The following SEMA6C variants were observed in gnomAD, a reference collection of about 807,000 sequenced individuals.
The protein encoded by SEMA6C is semaphorin-6C.
A neutral mutation model predicts 72.9 loss-of-function variants in SEMA6C; 37 were observed. The ratio of observed to expected loss-of-function variants is 0.51; its 90% CI spans 0.39 to 0.67. The LOEUF (loss-of-function observed/expected upper bound fraction) is 0.67, where lower values mean the gene tolerates loss of function less well. Ranked by LOEUF, SEMA6C falls within the 30% of genes least tolerant of loss-of-function variation. SEMA6C has a pLI of 0.00. For synonymous variants in SEMA6C, 578 were observed against 554.1 expected (o/e 1.04, Z -0.61); for missense variants, 1,189 against 1,263.6 (o/e 0.94, Z 0.89).
chr1:151,137,828 T>C (rs1682182536), intron 9 of SEMA6C, 29 bp from the exon 10 acceptor site: 4 of 1,601,870 alleles, frequency 2.5e-6, no homozygotes, highest in Non-Finnish European at 3.4e-6. Context: ...GGAAAGGGTA[T>C]AGAAGAGTAT....
chr1:151,132,599 CG>C lies in SEMA6C; in HGVS notation c.2677del (p.Arg893GlyfsTer5), dbSNP rs1681631757. The stretch of plus-strand genomic sequence containing the variant: ...GTCCACCCTTTTCAGGGCGCGGCCC[CG>C]GTAGCCCTCGGGCCGGCCCAGGTAC... ...LLYLGRPEGYRGRALKRVDVE... is the reference protein window; with the variant it reads ...LLYLGRPEGYXGRALKRVDVE... On this transcript the variant is annotated frameshift_variant, in exon 19 of 19. Coordinates refer to ENST00000368914, the MANE Select transcript of SEMA6C (RefSeq NM_030913.6). LOFTEE classifies it low-confidence loss of function (END_TRUNC). 1 of 1,551,230 alleles carries C rather than the reference CG, an allele frequency of 6.4e-7. No homozygotes were observed. The highest frequency in any genetic ancestry group is 1.4e-5 in the African/African-American group (1 of 73,120).
rs138912571 is a variant in SEMA6C at position 151,134,727 on chromosome 1, C to T, written c.1659-52G>A. On this transcript the variant is annotated intron_variant, in intron 16 of 18. Transcript: ENST00000368914. Reference sequence around the variant, plus strand: ...AATTCTGTACGTTGTCCGTATCTCCCACTCTGGCCCTCAGCTTGTCTTATT... The same window carrying T: ...AATTCTGTACGTTGTCCGTATCTCCTACTCTGGCCCTCAGCTTGTCTTATT... The T allele has an allele frequency of 4.7e-3, 7,649 of 1,612,454 alleles. 32 individuals carry two copies. The highest frequency in any genetic ancestry group is 0.011 in the Middle Eastern group (64 of 6,060).
chr1:151,138,481 CCCGTTG>C (rs1682249175), intron 7 of SEMA6C, 75 bp from the exon 8 acceptor site: 2 of 1,472,386 alleles, frequency 1.4e-6, no homozygotes. Context: ...TCCCTCCTGT[CCCGTTG>C]CCTCCTCCCC....
At position 151,132,435 on chromosome 1, in the gene SEMA6C, C is replaced by T; in HGVS notation, c.*49G>A. Reference sequence around the variant, plus strand: ...GTCCTGAAGAGCGTCCAGCTCGTGGCCGAGAGGACTCGGGCGCTCCCCACG... The same window carrying T: ...GTCCTGAAGAGCGTCCAGCTCGTGGTCGAGAGGACTCGGGCGCTCCCCACG... On this transcript the variant is annotated 3_prime_UTR_variant, in exon 19 of 19. Coordinates refer to ENST00000368914, the MANE Select transcript of SEMA6C (RefSeq NM_030913.6). 4.6e-6 allele frequency: 7 copies of T among 1,528,878 alleles called. No individual in the cohort carries two copies. Among genetic ancestry groups the T allele is most frequent in the Non-Finnish European group, 8.8e-7 (1 of 1,135,258 alleles). 94.7% of individuals were successfully genotyped at this position (1,528,878 alleles called of 1,614,324 possible).
At position 151,135,278 on chromosome 1, in the gene SEMA6C, G is replaced by A. The variant is rs199674348; in HGVS notation, c.1465C>T (p.Arg489Ter). 1.2e-6 allele frequency: 2 copies of A among 1,614,178 alleles called. No individual in the cohort carries two copies. Among genetic ancestry groups the A allele is most frequent in the Non-Finnish European group, 1.7e-6 (2 of 1,180,012 alleles). The change falls in exon 15 of 19, where the codon CGA becomes TGA. Residue 489 changes from arginine (R) to a stop codon, truncating the protein, a stop_gained. Transcript: ENST00000368914. LOFTEE classifies it high-confidence loss of function. ...TCCAGCTCCAGCCCTATGATCCGTC[G>A]TGCTGTTTGGGCTGTCCGCTTCCCA... The part of the protein sequence containing the change: ...CSGKRTAQTA[R>*]RIIGLELDTE...
chr1:151,134,554 T>C, intron 17 of SEMA6C, 66 bp downstream of exon 17: 1 of 1,606,984 alleles, frequency 6.2e-7, no homozygotes, highest in Non-Finnish European at 8.5e-7. Context: ...AAGCCTGGGA[T>C]GGTGTCTGTG....
intron 2 of SEMA6C, 51 bp from the exon 3 acceptor site, chr1:151,142,726 CT>C: frequency 1.1e-6 from 1 of 926,266 alleles, no homozygotes; most frequent in South Asian, 1.8e-5. Flanking sequence ...TCCCTCTCCC[CT>C]GAAGCAAGCC....
At chr1:151,135,396 C>G in intron 14 of SEMA6C, 87 bp from the exon 15 acceptor site, 3 of 1,536,952 alleles carry the variant, frequency 2.0e-6, no homozygotes, top group South Asian at 2.5e-5. Context: ...CGGGGAGGCA[C>G]ACAAGCAACT....
chr1:151,133,283 G>A lies in SEMA6C; in HGVS notation c.1994C>T (p.Pro665Leu). Reference sequence around the variant, plus strand: ...CGCGTCCCCGTCCTTGGAGGGCGGCGGGGGCTCTGGGCCCCCACCGTGGAG... The same window carrying A: ...CGCGTCCCCGTCCTTGGAGGGCGGCAGGGGCTCTGGGCCCCCACCGTGGAG... The part of the protein sequence containing the change: ...ARLHGGGPEP[P>L]PPSKDGDAVQ... Residue 665 changes from proline (P) to leucine (L), a missense_variant, in exon 19 of 19, where the codon CCG becomes CTG. Pro to Leu is a moderately conservative substitution (Grantham distance 98, BLOSUM62 -3). Transcript: ENST00000368914. The surrounding 1 kb of genome is among the most constrained non-coding windows in gnomAD (Gnocchi z 5.9). 1 of 1,577,546 alleles carries A rather than the reference G, an allele frequency of 6.3e-7. No homozygotes were observed. The highest frequency in any genetic ancestry group is 8.6e-7 in the Non-Finnish European group (1 of 1,166,172).
chr1:151,137,313 G>A (rs1163782170), intron 10 of SEMA6C, among the ~76,000 whole-genome samples: 1 of 152,156 alleles, frequency 6.6e-6, no homozygotes, highest in African/African-American at 2.4e-5. Context: ...GGGCATGGTG[G>A]TGGGCACCTG....
chr1:151,140,201 C>T (rs913271386), intron 3 of SEMA6C, 111 bp from the exon 4 acceptor site: 65 of 814,288 alleles, frequency 8.0e-5, no homozygotes, highest in Non-Finnish European at 1.2e-4. Context: ...GGTTAGAGTG[C>T]CCAAAAGCTA....
rs1220478507 is a variant in SEMA6C at position 151,138,300 on chromosome 1, A to T, written c.547+16T>A. ...CTCCAGCCACATGCTTTCTTCTCAC[A>T]TGCCCAGTTGCACACCTGCAAAGAT... On this transcript the variant is annotated intron_variant, in intron 8 of 18. Transcript: ENST00000368914. The T allele has an allele frequency of 6.2e-6, 10 of 1,613,052 alleles. No individual in the cohort carries two copies. The East Asian group carries it at 2.0e-4, about 32-fold the overall frequency.
At chr1:151,138,793 T>G (rs1385126793) in intron 6 of SEMA6C, 62 bp from the exon 7 acceptor site, 1 of 1,358,948 alleles carries the variant, frequency 7.4e-7, no homozygotes, top group Non-Finnish European at 1.1e-6. Context: ...CAGGAGGTAA[T>G]AGAAAGGTGG....
rs1249847512 is a variant in SEMA6C, at chr1:151,140,838, C to CA, written c.119-749dup. On this transcript the variant is annotated intron_variant, in intron 3 of 18. Coordinates refer to ENST00000368914, the MANE Select transcript of SEMA6C (RefSeq NM_030913.6). Reference sequence around the variant, plus strand: ...TGAAACCCCATCTCTACTAAAAATACAAAAACAAAATTAGCCAGGCGTGGT... The same window carrying CA: ...TGAAACCCCATCTCTACTAAAAATACAAAAAACAAAATTAGCCAGGCGTGGT... 2.0e-5 allele frequency among the ~76,000 whole-genome samples: 3 copies of CA among 152,246 alleles called. No individual in the cohort carries two copies. The South Asian group carries it at 6.2e-4, about 32-fold the overall frequency.
chr1:151,143,478 G>A (rs895822862), intron 2 of SEMA6C, among the ~76,000 whole-genome samples: 1 of 152,170 alleles, frequency 6.6e-6, no homozygotes, highest in Non-Finnish European at 1.5e-5. Flanking sequence ...CTTGAGGGGG[G>A]AAGAGCAGAC....
At position 151,138,382 on chromosome 1, in the gene SEMA6C, C is replaced by T. The variant is rs774224686; in HGVS notation, c.481G>A (p.Glu161Lys). 6.2e-6 allele frequency: 10 copies of T among 1,613,788 alleles called. No individual in the cohort carries two copies. The highest frequency in any genetic ancestry group is 7.6e-6 in the Non-Finnish European group (9 of 1,179,900). ...YGITSLQQEG[E>K]ELSGQARCPF... The stretch of plus-strand genomic sequence containing the variant: ...CATCGAGCCTGCCCACTCAGTTCCT[C>T]ACCCTCCTGCTGCAGCGAAGTTATC... Residue 161 changes from glutamate (E) to lysine (K), a missense_variant, in exon 8 of 19, where the codon GAG becomes AAG. This residue lies in a region of SEMA6C where 468 missense variants were observed against 577.4 expected (regional missense o/e 0.81). Transcript: ENST00000368914.
At chr1:151,139,286 C>A in intron 6 of SEMA6C, 139 bp downstream of exon 6, 1 of 760,566 alleles carries the variant, frequency 1.3e-6, no homozygotes, top group East Asian at 2.4e-5. Flanking sequence ...ATCAGGAATT[C>A]TCTTTCCTTC....
intron 3 of SEMA6C, among the ~76,000 whole-genome samples, chr1:151,140,630 G>T (rs1682448607): frequency 6.6e-6 from 1 of 152,194 alleles, no homozygotes; most frequent in African/African-American, 2.4e-5. Flanking sequence ...CACCTGGCCT[G>T]ATCGTGGTGG....
chr1:151,139,806 TC>T, intron 4 of SEMA6C, 105 bp from the exon 5 acceptor site: 1 of 1,275,414 alleles, frequency 7.8e-7, no homozygotes, highest in South Asian at 1.4e-5. Flanking sequence ...GCCCTCCCCT[TC>T]CCCCTTCCTC....
Sources: gnomAD v4.1 joint callset for allele counts (sites outside exome capture counted in the v4.1 genomes callset) on GRCh38, gnomAD v4.1.1 for gene constraint, gnomAD v4.1.1 regional missense constraint, Gnocchi (gnomAD v3.1) non-coding constraint, MANE v1.5 for transcripts, NCBI Gene and HGNC (gene_info 2026-07-23, HGNC 2026-07-21) for gene names.